The following GLRA1 variants were observed in gnomAD, a reference collection of about 807,000 sequenced individuals.
The protein encoded by GLRA1 is glycine receptor subunit alpha-1.
In GLRA1, 37 loss-of-function variants were observed where a neutral mutation model predicts 48.3. The ratio of observed to expected loss-of-function variants is 0.77; its 90% CI spans 0.59 to 1.01. GLRA1 has a LOEUF of 1.01. GLRA1 is among the 50% of genes least tolerant of loss of function. The pLI is 0.00. For synonymous variants in GLRA1, 196 were observed against 210.7 expected (o/e 0.93, Z 0.60); for missense variants, 427 against 571.0 (o/e 0.75, Z 2.57).
chr5:151,880,189 G>A (rs193217360), intron 3 of GLRA1, among the ~76,000 whole-genome samples: 1 of 152,182 alleles, frequency 6.6e-6, no homozygotes. Flanking sequence ...ATGGACTAAT[G>A]CAAAGTCTTT....
chr5:151,840,103 T>G (rs1017035893), intron 7 of GLRA1, among the ~76,000 whole-genome samples: 2 of 151,938 alleles, frequency 1.3e-5, no homozygotes, highest in East Asian at 1.9e-4. Flanking sequence ...AATACTGTTT[T>G]TTTTTTTTTT....
intron 7 of GLRA1, among the ~76,000 whole-genome samples, chr5:151,830,776 G>C (rs1422996797): frequency 6.6e-6 from 1 of 152,190 alleles, no homozygotes; most frequent in Non-Finnish European, 1.5e-5. Flanking sequence ...AATAGCAACA[G>C]CAACAAATCC....
At chr5:151,870,069 A>G (rs148644032) in intron 3 of GLRA1, among the ~76,000 whole-genome samples, 1 of 149,716 alleles carries the variant, frequency 6.7e-6, no homozygotes, top group East Asian at 1.9e-4. Context: ...TTAAACATAT[A>G]TTTAAACTTT....
intron 1 of GLRA1, among the ~76,000 whole-genome samples, chr5:151,904,386 G>A (rs975338324): frequency 6.6e-6 from 1 of 152,204 alleles, no homozygotes; most frequent in Non-Finnish European, 1.5e-5. Flanking sequence ...AATGCGACAA[G>A]CTGTGGATGT....
At chr5:151,904,120 G>T (rs950766023) in intron 1 of GLRA1, among the ~76,000 whole-genome samples, 1 of 152,226 alleles carries the variant, frequency 6.6e-6, no homozygotes, top group African/African-American at 2.4e-5. Flanking sequence ...GAGATGGAAG[G>T]AAGAGTGATG....
rs1753037556 is a variant in GLRA1, at chr5:151,856,212, G to T, written c.559+89C>A. The T allele has an allele frequency of 4.7e-6, 4 of 844,074 alleles. No homozygotes were observed. In the Admixed American group the frequency reaches 5.4e-5, roughly 11 times the overall value. 52.3% of individuals were successfully genotyped at this position (844,074 alleles called of 1,614,324 possible). ...TTACAGTAATCTCCTGGGGTCTAGT[G>T]GTTAGGAGCAGCTGTGTGGGAATTT... On this transcript the variant is annotated intron_variant, in intron 5 of 8. Coordinates refer to ENST00000274576, the MANE Select transcript of GLRA1 (RefSeq NM_000171.4).
intron 6 of GLRA1, among the ~76,000 whole-genome samples, chr5:151,853,152 A>C (rs1336902649): frequency 6.6e-6 from 1 of 152,224 alleles, no homozygotes; most frequent in Admixed American, 6.5e-5. Flanking sequence ...AAGATGAATA[A>C]GTTCTGGAGA....
chr5:151,841,439 G>A (rs1200662383), intron 7 of GLRA1, among the ~76,000 whole-genome samples: 4 of 151,848 alleles, frequency 2.6e-5, no homozygotes, highest in Non-Finnish European at 5.9e-5. Context: ...AACTAGGAGG[G>A]CAAACTAAAG....
Position 151,851,532 on chromosome 5 carries a change from A to G in GLRA1, c.770T>C (p.Ile257Thr), listed in dbSNP as rs1752910323. 1 of 1,614,008 alleles carries G rather than the reference A, an allele frequency of 6.2e-7. No homozygotes were observed. The highest frequency in any genetic ancestry group is 1.3e-5 in the African/African-American group (1 of 75,030). ...GAGGATGACAATGAGCAGGCTGGGAATATACATCTGAATCAGGTAGTAACC... is the reference window on the plus strand; with the variant it reads ...GAGGATGACAATGAGCAGGCTGGGAGTATACATCTGAATCAGGTAGTAACC... ...QMGYYLIQMY[I>T]PSLLIVILSW... is the part of the protein sequence containing the mutation. The change falls in exon 7 of 9, where the codon ATT becomes ACT. Residue 257 changes from isoleucine (I) to threonine (T), a missense_variant. Around this residue, in one of 4 missense-constraint regions of GLRA1, gnomAD observed 271 missense variants for 434.9 expected, o/e 0.62. Transcript: ENST00000274576.
chr5:151,830,195 T>A lies in GLRA1; in HGVS notation c.913-1128A>T, dbSNP rs536399799. On this transcript the variant is annotated intron_variant, in intron 7 of 8. Coordinates refer to ENST00000274576, the MANE Select transcript of GLRA1 (RefSeq NM_000171.4). ...CAGAACACAGTTGGAGCTTCTTCAA[T>A]GCCTCATTCCCAGAGAGTTATCATC... is the stretch of plus-strand genomic sequence containing the variant. 3.9e-5 allele frequency among the ~76,000 whole-genome samples: 6 copies of A among 152,340 alleles called. No homozygotes were observed. In the South Asian group the frequency reaches 1.2e-3, roughly 32 times the overall value.
chr5:151,829,218 GAAAAC>G (rs1763363362), intron 7 of GLRA1, 151 bp from the exon 8 acceptor site: 7 of 697,816 alleles, frequency 1.0e-5, no homozygotes, highest in African/African-American at 3.6e-5. Context: ...AGGTATAGAG[GAAAAC>G]AGAAAAGAAA....
chr5:151,915,381 G>A (rs1754714410), intron 1 of GLRA1, among the ~76,000 whole-genome samples: 2 of 152,124 alleles, frequency 1.3e-5, no homozygotes, highest in South Asian at 4.1e-4. Flanking sequence ...TTCATTCCTA[G>A]TTCTTATTAT....
intron 1 of GLRA1, among the ~76,000 whole-genome samples, chr5:151,896,028 C>A (rs1359337639): frequency 6.6e-6 from 1 of 152,200 alleles, no homozygotes; most frequent in African/African-American, 2.4e-5. Flanking sequence ...GCGATCTCTT[C>A]GCCCTTAGGC....
At position 151,822,978 on chromosome 5, in the gene GLRA1, A is replaced by C; in HGVS notation, c.1060-15T>G. On this transcript the variant is annotated splice_polypyrimidine_tract_variant and intron_variant, in intron 8 of 8. Coordinates refer to ENST00000274576, the MANE Select transcript of GLRA1 (RefSeq NM_000171.4). ...GCTTCATCCTCCTGGAATAGATTCA[A>C]CATGGGGCTCTACTTAAAATAAGAC... The C allele has an allele frequency of 1.3e-6, 2 of 1,584,780 alleles. No individual in the cohort carries two copies. The highest frequency in any genetic ancestry group is 2.3e-5 in the South Asian group (2 of 86,346).
intron 1 of GLRA1, among the ~76,000 whole-genome samples, chr5:151,902,981 T>C (rs1754399990): frequency 6.6e-6 from 1 of 152,174 alleles, no homozygotes; most frequent in Non-Finnish European, 1.5e-5. Flanking sequence ...GGAAAACTTA[T>C]GTGAGAACAA....
At chr5:151,907,797 A>C (rs1214902078) in intron 1 of GLRA1, among the ~76,000 whole-genome samples, 4 of 152,238 alleles carry the variant, frequency 2.6e-5, no homozygotes, top group African/African-American at 9.6e-5. Flanking sequence ...AGGGATGCTC[A>C]GAGGCAAGAG....
intron 7 of GLRA1, among the ~76,000 whole-genome samples, chr5:151,843,256 A>ATT (rs34491994): frequency 0.011 from 1,307 of 120,714 alleles, 19 homozygotes; most frequent in African/African-American, 0.023. Flanking sequence ...CTGCTTCTAA[A>ATT]TTTTTTTTTT....
At chr5:151,866,630 A>T (rs757956790) in intron 3 of GLRA1, among the ~76,000 whole-genome samples, 3 of 152,166 alleles carry the variant, frequency 2.0e-5, no homozygotes, top group Non-Finnish European at 2.9e-5. Flanking sequence ...CCAAGGGGAT[A>T]TCTCATCTCG....
At chr5:151,922,854 T>C (rs1037554194) in intron 1 of GLRA1, among the ~76,000 whole-genome samples, 2 of 152,200 alleles carry the variant, frequency 1.3e-5, no homozygotes, top group African/African-American at 4.8e-5. Flanking sequence ...GTTCTATTAA[T>C]TTGCTCTTAA....
Sources: gnomAD v4.1 joint callset for allele counts (sites outside exome capture counted in the v4.1 genomes callset) on GRCh38, gnomAD v4.1.1 for gene constraint, gnomAD v4.1.1 regional missense constraint, MANE v1.5 for transcripts, NCBI Gene and HGNC (gene_info 2026-07-23, HGNC 2026-07-21) for gene names.